The following CRACR2B variants were observed in gnomAD, a reference collection of about 807,000 sequenced individuals.
CRACR2B encodes the protein EF-hand calcium-binding domain-containing protein 4A.
In CRACR2B, 50 loss-of-function variants were observed where a neutral mutation model predicts 46.0. The ratio of observed to expected loss-of-function variants is 1.09; its 90% CI spans 0.87 to 1.38. CRACR2B has a LOEUF of 1.38. Among genes scored for constraint, CRACR2B ranks in the 40% most tolerant of loss-of-function variants. The probability of loss-of-function intolerance (pLI) is 0.00; values close to 1 mark genes in which losing one functional copy is unlikely to be tolerated. For missense variants in CRACR2B, 667 were observed against 535.0 expected (o/e 1.25, Z -2.43); for synonymous variants, 277 against 239.6 (o/e 1.16, Z -1.44).
At chr11:830,201 G>T (rs1590196492) in intron 4 of CRACR2B, 49 bp from the exon 5 acceptor site, 2 of 1,494,954 alleles carry the variant, frequency 1.3e-6, no homozygotes. Flanking sequence ...GGTGCCAGGG[G>T]GCTGTAGCGC....
At position 828,329 on chromosome 11, in the gene CRACR2B, C is replaced by T. The variant is rs1391461315; in HGVS notation, c.-279C>T. 6 of 428,992 alleles carry T rather than the reference C, an allele frequency of 1.4e-5. No individual in the cohort carries two copies. The highest frequency in any genetic ancestry group is 2.5e-5 in the Non-Finnish European group (6 of 242,374). 26.6% of individuals were successfully genotyped at this position (428,992 alleles called of 1,614,324 possible). On this transcript the variant is annotated 5_prime_UTR_variant, in exon 1 of 9. Coordinates refer to ENST00000525077, the MANE Select transcript of CRACR2B (RefSeq NM_001286606.2). ...CCTCTCCTGAAGTTGGCAGCCCCTC[C>T]TGGGTTCCAGCCTCCTGAGATGCCA...
rs980996249 is a variant in CRACR2B at position 831,681 on chromosome 11, G to A, written c.1172G>A (p.Gly391Asp). The A allele has an allele frequency of 2.2e-5, 33 of 1,521,438 alleles. No homozygotes were observed. The highest frequency in any genetic ancestry group is 2.8e-5 in the Non-Finnish European group (32 of 1,142,098). 94.2% of individuals were successfully genotyped at this position (1,521,438 alleles called of 1,614,324 possible). ...CCCWARPPRR[G>D]SGHLPSAR ...TGCTGGGCTCGGCCCCCCAGACGCGGCTCTGGCCACCTTCCCAGTGCCCGG... is the reference window on the plus strand; with the variant it reads ...TGCTGGGCTCGGCCCCCCAGACGCGACTCTGGCCACCTTCCCAGTGCCCGG... The change falls in exon 9 of 9, where the codon GGC becomes GAC. Residue 391 changes from glycine to aspartate, a missense_variant. Physicochemically the swap from Gly to Asp is moderately conservative, Grantham distance 94. Coordinates refer to ENST00000525077, the MANE Select transcript of CRACR2B (RefSeq NM_001286606.2).
chr11:828,924 A>G lies in CRACR2B; in HGVS notation c.238A>G (p.Thr80Ala). ...AVFESLDRAH[T>A]GFLTAREFCL... The stretch of plus-strand genomic sequence containing the variant: ...GTTTGAAAGTCTGGACCGGGCTCAC[A>G]CTGGCTTCCTCACCGCCAGGGAGTT... The change falls in exon 2 of 9, where the codon ACT becomes GCT. Residue 80 changes from threonine (T) to alanine (A), a missense_variant. Physicochemically the swap from Thr to Ala is moderately conservative, Grantham distance 58 (BLOSUM62 0). Coordinates refer to ENST00000525077, the MANE Select transcript of CRACR2B (RefSeq NM_001286606.2). 2 of 1,607,060 alleles carry G rather than the reference A, an allele frequency of 1.2e-6. No individual in the cohort carries two copies. The highest frequency in any genetic ancestry group is 1.1e-5 in the South Asian group (1 of 91,082).
At position 830,710 on chromosome 11, in the gene CRACR2B, G is replaced by A. The variant is rs535938140; in HGVS notation, c.783G>A (p.Arg261=). 161 of 1,533,258 alleles carry A rather than the reference G, an allele frequency of 1.1e-4. No homozygotes were observed. The East Asian group carries it at 3.5e-3, about 34-fold the overall frequency. 95.0% of individuals were successfully genotyped at this position (1,533,258 alleles called of 1,614,324 possible). Residue 261 remains arginine, a synonymous_variant, in exon 6 of 9, where the codon CGG becomes CGA. Transcript: ENST00000525077. The part of the protein sequence containing the change: ...QDLERAGLRQ[R]ELEQQLHAQA... ...TGGAACGCGCGGGCCTGCGGCAGCG[G>A]GAGGTGAGCACCCGGCCCCTGCCCT...
Position 830,633 on chromosome 11 carries a change from G to C in CRACR2B, c.706G>C (p.Gly236Arg), listed in dbSNP as rs1328631522. ...RRPPSQNFAR[G>R]ERRSRLELEL... ...CCGTGCGTCCCAGAACTTCGCCCGC[G>C]GGGAGCGGAGAAGCCGTCTGGAGCT... Residue 236 changes from glycine (G) to arginine (R), a missense_variant, in exon 6 of 9, where the codon GGG becomes CGG. Transcript: ENST00000525077. The C allele has an allele frequency of 6.5e-7, 1 of 1,549,082 alleles. No individual in the cohort carries two copies. Among genetic ancestry groups the C allele is most frequent in the Non-Finnish European group, 8.7e-7 (1 of 1,146,704 alleles).
chr11:826,479 C>T (rs1379591325), upstream of CRACR2B, among the ~76,000 whole-genome samples: 1 of 152,254 alleles, frequency 6.6e-6, no homozygotes, highest in Non-Finnish European at 1.5e-5. Flanking sequence ...AGCTCGTTCA[C>T]CCATACATAT....
chr11:831,504 C>A (rs754823203), intron 8 of CRACR2B, 31 bp from the exon 9 acceptor site: 1 of 1,550,254 alleles, frequency 6.5e-7, no homozygotes, highest in Non-Finnish European at 8.7e-7. Flanking sequence ...CTCCCTCAGA[C>A]CCTCTCAGTG....
At chr11:829,006 G>C in intron 2 of CRACR2B, 43 bp downstream of exon 2, 1 of 1,596,452 alleles carries the variant, frequency 6.3e-7, no homozygotes, top group South Asian at 1.1e-5. Flanking sequence ...CAGAGCTGGA[G>C]GCCTGATCAG....
chr11:829,893 G>A, intron 3 of CRACR2B, 93 bp from the exon 4 acceptor site: 1 of 1,470,848 alleles, frequency 6.8e-7, no homozygotes, highest in East Asian at 2.5e-5. Context: ...CCTGCCCAGG[G>A]GCGAAGAAGT....
intron 2 of CRACR2B, 137 bp from the exon 3 acceptor site, chr11:829,223 C>A (rs1237783522): frequency 6.9e-7 from 1 of 1,450,822 alleles, no homozygotes. Context: ...TGTTTCCAGG[C>A]CAATAGGACC....
chr11:827,923 T>C lies in CRACR2B; in HGVS notation c.-685T>C, dbSNP rs1846029397. ...TCTGAAACGGGGAAGGGCCTCAGTG[T>C]TGTGGGGCAAGGGTGTTAGGTCTCG... On this transcript the variant is annotated 5_prime_UTR_variant, in exon 1 of 9. Transcript: ENST00000525077. Among the ~76,000 whole-genome samples the C allele has an allele frequency of 6.6e-6, 1 of 152,148 alleles. No individual in the cohort carries two copies. Among genetic ancestry groups the C allele is most frequent in the Non-Finnish European group, 1.5e-5 (1 of 68,002 alleles).
rs1421562828 is a variant in CRACR2B, at chr11:828,719, T to C, written c.112T>C (p.Phe38Leu). 2 of 1,613,332 alleles carry C rather than the reference T, an allele frequency of 1.2e-6. No homozygotes were observed. Among genetic ancestry groups the C allele is most frequent in the Non-Finnish European group, 8.5e-7 (1 of 1,179,848 alleles). Reference protein sequence around the residue: ...AAILEQAEELFLLCDKEAKGF... With the variant: ...AAILEQAEELLLLCDKEAKGF... ...AATACTGGAGCAGGCTGAGGAGCTG[T>C]TTCTGCTGTGTGACAAGGAGGCTAA... The change falls in exon 1 of 9, where the codon TTT becomes CTT. Residue 38 changes from phenylalanine to leucine, a missense_variant. By Grantham distance (22) the Phe-to-Leu change is conservative. Coordinates refer to ENST00000525077, the MANE Select transcript of CRACR2B (RefSeq NM_001286606.2).
chr11:827,568 C>T (rs1409352292), upstream of CRACR2B: 23 of 984,380 alleles, frequency 2.3e-5, no homozygotes, highest in Admixed American at 6.1e-5. Flanking sequence ...GCGCGGCTTC[C>T]GGCTGGGGTG....
At chr11:826,870 C>T (rs1395625885), upstream of CRACR2B, among the ~76,000 whole-genome samples, 1 of 152,208 alleles carries the variant, frequency 6.6e-6, no homozygotes, top group Non-Finnish European at 1.5e-5. Context: ...AAAGGCTCCC[C>T]ACCCCTAGAG....
intron 2 of CRACR2B, 124 bp downstream of exon 2, chr11:829,087 T>G (rs571943600): frequency 6.0e-4 from 831 of 1,378,068 alleles, no homozygotes; most frequent in Non-Finnish European, 7.3e-4. Flanking sequence ...GGCCCGTGCT[T>G]TGTCTGCACG....
upstream of CRACR2B, chr11:827,468 G>A (rs959933353): frequency 7.0e-6 from 6 of 860,928 alleles, no homozygotes; most frequent in African/African-American, 9.1e-5. Flanking sequence ...GGGTAAGGGC[G>A]GGGTTGTCCC....
At position 828,973 on chromosome 11, in the gene CRACR2B, T is replaced by C. The variant is rs1408550905; in HGVS notation, c.277+10T>C. ...TTCTGCCTGGGCCTGGGTGAGCCTG[T>C]GGCCTGCCTATCCCCCACTGCCCAG... On this transcript the variant is annotated intron_variant, in intron 2 of 8. Coordinates refer to ENST00000525077, the MANE Select transcript of CRACR2B (RefSeq NM_001286606.2). The C allele has an allele frequency of 1.2e-6, 2 of 1,601,814 alleles. No homozygotes were observed. Among genetic ancestry groups the C allele is most frequent in the Admixed American group, 3.3e-5 (2 of 60,010 alleles).
chr11:828,986 C>T, intron 2 of CRACR2B, 23 bp downstream of exon 2: 1 of 1,600,192 alleles, frequency 6.2e-7, no homozygotes, highest in Admixed American at 1.7e-5. Context: ...CCTGCCTATC[C>T]CCCACTGCCC....
Position 831,281 on chromosome 11 carries a change from A to G in CRACR2B, c.1011A>G (p.Gln337=), listed in dbSNP as rs765613477. 4 of 1,611,008 alleles carry G rather than the reference A, an allele frequency of 2.5e-6. No homozygotes were observed. In the African/African-American group the frequency reaches 4.0e-5, roughly 16 times the overall value. The change falls in exon 8 of 9, where the codon CAA becomes CAG. Residue 337 remains glutamine (Q), a synonymous_variant. Transcript: ENST00000525077. ...AAGAGAAAGTCAGCCTGCTACGGCA[A>G]CTGGAGCTGCTCAGGTACGGTCAGG... ...MQKEKVSLLR[Q]LELLRELNTR...
Sources: gnomAD v4.1 joint callset for allele counts (sites outside exome capture counted in the v4.1 genomes callset) on GRCh38, gnomAD v4.1.1 for gene constraint, MANE v1.5 for transcripts, NCBI Gene and HGNC (gene_info 2026-07-23, HGNC 2026-07-21) for gene names.